Variants in USP48 observed in about 807,000 individuals in gnomAD.
The protein encoded by USP48 is ubiquitin carboxyl-terminal hydrolase 48.
USP48 carries 43 observed loss-of-function variants against 150.7 expected under a neutral mutation model. The observed-to-expected ratio is 0.29, with a 90% confidence interval of 0.22 to 0.37. USP48 has a LOEUF of 0.37. USP48 is among the 10% of genes least tolerant of loss of function. The pLI is 1.00. For synonymous variants in USP48, 396 were observed against 425.9 expected (o/e 0.93, Z 0.86); for missense variants, 813 against 1,249.6 (o/e 0.65, Z 5.27).
chr1:21,730,283 T>C (rs894771030), intron 9 of USP48, among the ~76,000 whole-genome samples: 2 of 151,724 alleles, frequency 1.3e-5, no homozygotes, highest in East Asian at 3.9e-4. Context: ...TCTCTACTAA[T>C]AATACAAAAA....
In USP48 at chr1:21,782,834, C is replaced by T; in HGVS notation, c.124G>A (p.Gly42Ser). Reference sequence around the variant, plus strand: ...GTGCGCGGGCCTCACCTGCACACGCCGCGAATGCAGGGCTCCAGCCAGATG... The same window carrying T: ...GTGCGCGGGCCTCACCTGCACACGCTGCGAATGCAGGGCTCCAGCCAGATG... ...YRIWLEPCIR[G>S]VCRRNCKGNP... The change falls in exon 1 of 27, where the codon GGC becomes AGC. Residue 42 changes from glycine to serine, a missense_variant. Physicochemically the swap from Gly to Ser is moderately conservative, Grantham distance 56. Coordinates refer to ENST00000308271, the MANE Select transcript of USP48 (RefSeq NM_032236.8). 6.4e-7 allele frequency: 1 copy of T among 1,554,984 alleles called. No homozygotes were observed. The highest frequency in any genetic ancestry group is 8.7e-7 in the Non-Finnish European group (1 of 1,151,698).
chr1:21,716,594 A>C (rs1359242625), intron 14 of USP48, among the ~76,000 whole-genome samples: 1 of 152,224 alleles, frequency 6.6e-6, no homozygotes, highest in Non-Finnish European at 1.5e-5. Context: ...ACCACTATAT[A>C]ATAAAAACTT....
At chr1:21,699,911 A>G (rs1174557604) in intron 22 of USP48, among the ~76,000 whole-genome samples, 1 of 151,068 alleles carries the variant, frequency 6.6e-6, no homozygotes, top group East Asian at 2.0e-4. Context: ...TAGACCACAG[A>G]GATGTCCCCG....
At position 21,679,320 on chromosome 1, in the gene USP48, G is replaced by A; in HGVS notation, c.*97C>T. 2.7e-6 allele frequency: 4 copies of A among 1,482,132 alleles called. No homozygotes were observed. The highest frequency in any genetic ancestry group is 3.8e-6 in the Non-Finnish European group (4 of 1,060,758). 91.8% of individuals were successfully genotyped at this position (1,482,132 alleles called of 1,614,324 possible). On this transcript the variant is annotated 3_prime_UTR_variant, in exon 27 of 27. Coordinates refer to ENST00000308271, the MANE Select transcript of USP48 (RefSeq NM_032236.8). ...CTGCCTTTTGGAAGGGGCATGTAATGGTTTAATTCTTAAATCCACCTTTGC... is the reference window on the plus strand; with the variant it reads ...CTGCCTTTTGGAAGGGGCATGTAATAGTTTAATTCTTAAATCCACCTTTGC...
intron 3 of USP48, among the ~76,000 whole-genome samples, chr1:21,753,802 G>A (rs2097823637): frequency 6.9e-6 from 1 of 144,018 alleles, no homozygotes; most frequent in Non-Finnish European, 1.5e-5. Context: ...ACTCCAGCCT[G>A]GATGACAGAG....
intron 23 of USP48, among the ~76,000 whole-genome samples, chr1:21,694,339 G>A (rs1463863434): frequency 1.3e-5 from 2 of 151,982 alleles, no homozygotes; most frequent in African/African-American, 2.4e-5. Flanking sequence ...TTGGGAGGCT[G>A]AGGCGGGTGG....
At chr1:21,717,668 G>T (rs935652785) in intron 14 of USP48, among the ~76,000 whole-genome samples, 2 of 152,106 alleles carry the variant, frequency 1.3e-5, no homozygotes, top group African/African-American at 2.4e-5. Flanking sequence ...GATAAAAACT[G>T]ATGTGACTGC....
intron 1 of USP48, among the ~76,000 whole-genome samples, chr1:21,772,428 C>T (rs1168851629): frequency 6.6e-6 from 1 of 151,086 alleles, no homozygotes; most frequent in African/African-American, 2.4e-5. Flanking sequence ...TTGAGACCAT[C>T]CCGGCTAACA....
intron 1 of USP48, chr1:21,768,724 C>T (rs1191433609): frequency 1.3e-5 from 2 of 151,252 alleles, no homozygotes; most frequent in South Asian, 2.1e-4. Context: ...CTCATGGCTC[C>T]CATACACCCT....
chr1:21,690,554 C>T lies in USP48; in HGVS notation c.2884-455G>A, dbSNP rs188319251. The stretch of plus-strand genomic sequence containing the variant: ...TTTTGTTGTTGTTGAGACAGGGTCT[C>T]ACTCTGTCACCCAGGCTGGAGTGCA... On this transcript the variant is annotated intron_variant, in intron 23 of 26. Transcript: ENST00000308271. 6.5e-4 allele frequency among the ~76,000 whole-genome samples: 98 copies of T among 151,856 alleles called. 2 individuals are homozygous for T. Among genetic ancestry groups the T allele is most frequent in the South Asian group, 2.1e-4 (1 of 4,786 alleles).
chr1:21,713,047 CCTTT>C (rs1167913994), intron 15 of USP48, among the ~76,000 whole-genome samples: 1 of 152,056 alleles, frequency 6.6e-6, no homozygotes, highest in Non-Finnish European at 1.5e-5. Context: ...TCCCTCACTC[CCTTT>C]CTCATTCCCT....
chr1:21,775,349 C>A (rs559795417), intron 1 of USP48, among the ~76,000 whole-genome samples: 1 of 152,256 alleles, frequency 6.6e-6, no homozygotes, highest in East Asian at 1.9e-4. Flanking sequence ...GCAACCTACA[C>A]CTCCTGGGTT....
rs1400105741 is a variant in USP48 at position 21,771,611 on chromosome 1, T to C, written c.134+11213A>G. ...CTACAGAGTTATTCAACGAAATTAA[T>C]CAATGGCAAAAAAAACAGGGTTGAG... On this transcript the variant is annotated intron_variant, in intron 1 of 26. Coordinates refer to ENST00000308271, the MANE Select transcript of USP48 (RefSeq NM_032236.8). Among the ~76,000 whole-genome samples the C allele has an allele frequency of 2.0e-5, 3 of 151,834 alleles. No individual in the cohort carries two copies. The East Asian group carries it at 5.8e-4, about 29-fold the overall frequency.
At chr1:21,742,543 C>CA (rs11353860) in intron 8 of USP48, among the ~76,000 whole-genome samples, 2,266 of 130,176 alleles carry the variant, frequency 0.017, 28 homozygotes, top group Middle Eastern at 0.029. Context: ...GACTCTATCT[C>CA]AAAAAAAAAA....
chr1:21,758,787 GAATGAA>G (rs758558290), intron 1 of USP48, among the ~76,000 whole-genome samples: 10 of 103,816 alleles, frequency 9.6e-5, no homozygotes, highest in Admixed American at 7.4e-4. Context: ...ATGAATGAAT[GAATGAA>G]AAGGAAATGT....
chr1:21,687,759 A>G (rs2097583662), intron 24 of USP48, among the ~76,000 whole-genome samples: 1 of 152,248 alleles, frequency 6.6e-6, no homozygotes, highest in South Asian at 2.1e-4. Flanking sequence ...AATGAAGCCA[A>G]TGACCAGTAC....
chr1:21,694,601 A>AACAAAC (rs1557429284), intron 23 of USP48, among the ~76,000 whole-genome samples: 5 of 69,966 alleles, frequency 7.1e-5, no homozygotes, highest in African/African-American at 1.4e-4. Flanking sequence ...AAAAAAAAAA[A>AACAAAC]AAAAAACCCC....
intron 14 of USP48, among the ~76,000 whole-genome samples, chr1:21,717,133 T>C (rs1283044906): frequency 1.8e-4 from 28 of 152,160 alleles, no homozygotes; most frequent in Admixed American, 1.8e-3. Context: ...CCAGGCACAG[T>C]GGCTCACGCT....
chr1:21,765,614 C>CA (rs11399093), intron 1 of USP48, among the ~76,000 whole-genome samples: 128,942 of 143,786 alleles, frequency 0.9, 57,782 homozygotes, highest in South Asian at 0.94. Flanking sequence ...GAGACTCTGT[C>CA]AAAAAAAAAA....
Sources: allele counts gnomAD v4.1 joint callset (sites outside exome capture counted in the v4.1 genomes callset), GRCh38; gene constraint gnomAD v4.1.1; transcripts MANE v1.5; gene names NCBI Gene and HGNC (gene_info 2026-07-23, HGNC 2026-07-21).